The following STIM2 variants were observed in gnomAD, a reference collection of about 807,000 sequenced individuals.
STIM2 encodes stromal interaction molecule 2.
In STIM2, 31 loss-of-function variants were observed where a neutral mutation model predicts 85.8. The ratio of observed to expected loss-of-function variants is 0.36; its 90% CI spans 0.27 to 0.49. The LOEUF (loss-of-function observed/expected upper bound fraction) is 0.49, where lower values mean the gene tolerates loss of function less well. STIM2 is among the 20% of genes least tolerant of loss of function. The pLI, the probability that STIM2 is intolerant of heterozygous loss-of-function variation, is 0.98. For missense variants in STIM2, 841 were observed against 927.6 expected (o/e 0.91, Z 1.21); for synonymous variants, 356 against 331.1 (o/e 1.08, Z -0.82).
At chr4:26,912,984 G>T (rs185271113) in intron 1 of STIM2, among the ~76,000 whole-genome samples, 13 of 152,108 alleles carry the variant, frequency 8.5e-5, no homozygotes, top group African/African-American at 2.7e-4. Context: ...GCCATTGACC[G>T]CCAGTAGCAG....
intron 10 of STIM2, 115 bp from the exon 11 acceptor site, chr4:27,017,596 G>A: frequency 2.3e-6 from 3 of 1,288,576 alleles, no homozygotes; most frequent in Non-Finnish European, 3.3e-6. Flanking sequence ...TTCAGTAAAG[G>A]GAGATGAAAC....
At chr4:26,972,065 G>T (rs961791175) in intron 3 of STIM2, among the ~76,000 whole-genome samples, 1 of 152,164 alleles carries the variant, frequency 6.6e-6, no homozygotes, top group African/African-American at 2.4e-5. Flanking sequence ...GTATAAGAAT[G>T]CTTGTGATTT....
At chr4:26,967,142 AT>A (rs1490459736) in intron 3 of STIM2, among the ~76,000 whole-genome samples, 1 of 152,212 alleles carries the variant, frequency 6.6e-6, no homozygotes, top group Non-Finnish European at 1.5e-5. Flanking sequence ...ATAGAGGGAA[AT>A]TTATCGTTTT....
chr4:27,007,062 G>A (rs747530158), intron 7 of STIM2, among the ~76,000 whole-genome samples: 39 of 152,166 alleles, frequency 2.6e-4, no homozygotes, highest in Non-Finnish European at 3.7e-4. Context: ...AACATTAGGA[G>A]GAGGAGTAGA....
intron 2 of STIM2, among the ~76,000 whole-genome samples, chr4:26,920,133 C>T (rs1724744199): frequency 6.6e-6 from 1 of 152,068 alleles, no homozygotes; most frequent in African/African-American, 2.4e-5. Context: ...TTCTATGTTA[C>T]CTCTCATCAT....
intron 1 of STIM2, among the ~76,000 whole-genome samples, chr4:26,902,941 T>C (rs1445118550): frequency 2.0e-5 from 3 of 152,100 alleles, no homozygotes; most frequent in Non-Finnish European, 4.4e-5. Context: ...ATTCATAAAT[T>C]TAGTTTAACT....
chr4:26,877,292 T>G (rs1722844879), intron 1 of STIM2, among the ~76,000 whole-genome samples: 1 of 152,198 alleles, frequency 6.6e-6, no homozygotes, highest in African/African-American at 2.4e-5. Context: ...AAATTCTTAT[T>G]TTTAATTTTA....
At chr4:26,963,546 A>C (rs1726564808) in intron 3 of STIM2, among the ~76,000 whole-genome samples, 1 of 152,208 alleles carries the variant, frequency 6.6e-6, no homozygotes, top group African/African-American at 2.4e-5. Flanking sequence ...CACACTCATT[A>C]GTAGAAAATA....
chr4:26,985,990 A>G (rs1727567881), intron 3 of STIM2, among the ~76,000 whole-genome samples: 1 of 152,200 alleles, frequency 6.6e-6, no homozygotes, highest in Admixed American at 6.5e-5. Context: ...ATTCGGCTGT[A>G]TCTTGAGGTT....
chr4:27,022,750 T>C lies in STIM2; in HGVS notation c.1995T>C (p.Ser665=). 1 of 1,614,200 alleles carries C rather than the reference T, an allele frequency of 6.2e-7. No homozygotes were observed. Among genetic ancestry groups the C allele is most frequent in the African/African-American group, 1.3e-5 (1 of 75,048 alleles). ...CAGAAACTAAGAGTATGATCTTCAG[T>C]CCTGCAAGCAAAGTGTACAATGGCA... is the stretch of plus-strand genomic sequence containing the variant. The change falls in exon 12 of 12, where the codon AGT becomes AGC. Residue 665 remains serine (S), a synonymous_variant. Coordinates refer to ENST00000467087, the MANE Select transcript of STIM2 (RefSeq NM_020860.4).
At chr4:27,008,595 AATTTAT>A (rs1577494383) in intron 9 of STIM2, 67 bp downstream of exon 9, 3 of 1,220,820 alleles carry the variant, frequency 2.5e-6, no homozygotes, top group East Asian at 5.0e-5. Flanking sequence ...ATTTGTGAAC[AATTTAT>A]ATTTATCATT....
At chr4:26,891,509 G>T (rs1253089625) in intron 1 of STIM2, among the ~76,000 whole-genome samples, 3 of 151,262 alleles carry the variant, frequency 2.0e-5, no homozygotes, top group African/African-American at 7.3e-5. Context: ...ACACATATAT[G>T]TGTGTTTGTG....
At chr4:26,875,097 A>G (rs767438837) in intron 1 of STIM2, among the ~76,000 whole-genome samples, 2 of 152,218 alleles carry the variant, frequency 1.3e-5, no homozygotes, top group Non-Finnish European at 2.9e-5. Context: ...TCAGTTATAC[A>G]ATTCACAATG....
At chr4:27,019,846 G>C (rs779053283) in intron 11 of STIM2, among the ~76,000 whole-genome samples, 6 of 152,168 alleles carry the variant, frequency 3.9e-5, no homozygotes, top group Non-Finnish European at 5.9e-5. Flanking sequence ...AAGTGGTACA[G>C]ATAGTTCAAC....
At position 26,879,019 on chromosome 4, in the gene STIM2, A is replaced by G. The variant is rs1480472297; in HGVS notation, c.151+17650A>G. Among the ~76,000 whole-genome samples the G allele has an allele frequency of 2.6e-5, 4 of 152,106 alleles. No individual in the cohort carries two copies. The East Asian group carries it at 7.7e-4, about 29-fold the overall frequency. ...TGGGGACACAGAGCCAAACCTTATC[A>G]CCATCTAACTTTTGACGTTATTTTA... On this transcript the variant is annotated intron_variant, in intron 1 of 11. Coordinates refer to ENST00000467087, the MANE Select transcript of STIM2 (RefSeq NM_020860.4).
Position 27,003,065 on chromosome 4 carries a change from A to G in STIM2, c.942A>G (p.Glu314=). 1.2e-6 allele frequency: 2 copies of G among 1,600,602 alleles called. No homozygotes were observed. Among genetic ancestry groups the G allele is most frequent in the Non-Finnish European group, 1.7e-6 (2 of 1,175,176 alleles). ...AGCTAAGGGAGGGAGCTGAATGTGA[A>G]TTGAGTAGACGTCAGTATGCAGAAC... Residue 314 remains glutamate, a synonymous_variant, in exon 7 of 12, where the codon GAA becomes GAG. Coordinates refer to ENST00000467087, the MANE Select transcript of STIM2 (RefSeq NM_020860.4).
At chr4:26,909,650 G>A (rs1724259587) in intron 1 of STIM2, among the ~76,000 whole-genome samples, 1 of 152,168 alleles carries the variant, frequency 6.6e-6, no homozygotes, top group Non-Finnish European at 1.5e-5. Context: ...TGTAGCTTGT[G>A]TTTGGTTGTA....
chr4:27,018,722 A>T (rs1240288871), intron 11 of STIM2, among the ~76,000 whole-genome samples: 1 of 152,224 alleles, frequency 6.6e-6, no homozygotes, highest in Non-Finnish European at 1.5e-5. Context: ...CTTAGAGGTC[A>T]CTGGACACGG....
At chr4:26,954,430 T>C (rs1177176417) in intron 2 of STIM2, among the ~76,000 whole-genome samples, 1 of 128,184 alleles carries the variant, frequency 7.8e-6, no homozygotes, top group Admixed American at 7.1e-5. Context: ...TTATTTGCCG[T>C]ACATTATTTG....
Sources: gnomAD v4.1 joint callset for allele counts (sites outside exome capture counted in the v4.1 genomes callset) on GRCh38, gnomAD v4.1.1 for gene constraint, MANE v1.5 for transcripts, NCBI Gene and HGNC (gene_info 2026-07-23, HGNC 2026-07-21) for gene names.